Variants in NOP2 observed in about 807,000 individuals in gnomAD.
NOP2 encodes the protein NOP2 nucleolar protein, also known as 28S rRNA (cytosine(4447)-C(5))-methyltransferase.
In NOP2, 7 loss-of-function variants were observed where a neutral mutation model predicts 72.7. That is an observed-to-expected ratio of 0.10 (90% CI 0.05 to 0.18). NOP2 has a LOEUF of 0.18. Among genes scored for constraint, NOP2 ranks in the 10% least tolerant of loss-of-function variants. The pLI is 1.00. For synonymous variants in NOP2, 387 were observed against 388.0 expected, an observed-to-expected ratio of 1.00 and a Z score of 0.03; for missense variants, 954 against 1,014.7, an observed-to-expected ratio of 0.94 and a Z score of 0.81.
chr12:6,567,956 G>A (rs749824401), intron 1 of NOP2, 34 bp from the exon 2 acceptor site: 7 of 1,554,886 alleles, frequency 4.5e-6, no homozygotes, highest in East Asian at 2.2e-5. Flanking sequence ...AGGTGGCGTC[G>A]CGCGTGTCGG....
chr12:6,565,710 A>G (rs1311831191), intron 5 of NOP2, among the ~76,000 whole-genome samples: 3 of 152,116 alleles, frequency 2.0e-5, no homozygotes, highest in Non-Finnish European at 2.9e-5. Context: ...CCTGGGCTCA[A>G]GCAATCCTCC....
At chr12:6,562,052 A>G in intron 9 of NOP2, 81 bp from the exon 10 acceptor site, 1 of 1,059,096 alleles carries the variant, frequency 9.4e-7, no homozygotes, top group Non-Finnish European at 1.4e-6. Flanking sequence ...GAGGTGGCGC[A>G]ATCTCGGCTC....
At position 6,557,085 on chromosome 12, in the gene NOP2, G is replaced by A; in HGVS notation, c.2347C>T (p.Pro783Ser). The change falls in exon 16 of 16, where the codon CCC (proline) becomes TCC (serine). Residue 783 changes from proline (P) to serine (S), a missense_variant. This residue lies in a region of NOP2 where 269 missense variants were observed against 260.2 expected (regional missense o/e 1.03). Transcript: ENST00000322166. ...CTGGAACGGATGGGAGACACAGTGG[G>A]AGGCTGAGGCCCCTTGGGGGTATCA... The part of the protein sequence containing the change: ...QNDTPKGPQP[P>S]TVSPIRSSRP... 1 of 1,613,978 alleles carries A rather than the reference G, an allele frequency of 6.2e-7. No individual in the cohort carries two copies. The highest frequency in any genetic ancestry group is 8.5e-7 in the Non-Finnish European group (1 of 1,179,892).
At chr12:6,566,889 A>G in intron 2 of NOP2, 67 bp from the exon 3 acceptor site, 1 of 1,307,802 alleles carries the variant, frequency 7.6e-7, no homozygotes, top group Non-Finnish European at 1.1e-6. Flanking sequence ...GGGAACGGAA[A>G]TAAACATGGT....
Position 6,562,083 on chromosome 12 carries a change from G to A in NOP2, c.979-112C>T, listed in dbSNP as rs1408975655. ...GGCTCACAGCAACCTCCACCTCCCA[G>A]ATTCAAGCGATTCTCTCGTGCCTCA... is the stretch of plus-strand genomic sequence containing the variant. On this transcript the variant is annotated intron_variant, in intron 9 of 15. Transcript: ENST00000322166. 5 of 754,546 alleles carry A rather than the reference G, an allele frequency of 6.6e-6. No homozygotes were observed. The East Asian group carries it at 1.1e-4, about 16-fold the overall frequency. 46.7% of individuals were successfully genotyped at this position (754,546 alleles called of 1,614,324 possible). A position where few individuals can be genotyped will look rare whatever the true frequency, so the allele number is the denominator to read the frequency against.
At position 6,557,484 on chromosome 12, in the gene NOP2, G is replaced by C. The variant is rs772198531; in HGVS notation, c.1948C>G (p.Leu650Val). 6.8e-6 allele frequency: 11 copies of C among 1,613,882 alleles called. No individual in the cohort carries two copies. Among genetic ancestry groups the C allele is most frequent in the Admixed American group, 5.0e-5 (3 of 60,004 alleles). ...TCTGCCCCTTTGGAGATGCCATTCA[G>C]CTTCTGGAAGGAGGCCTTCTTGGGA... is the stretch of plus-strand genomic sequence containing the variant. ...QHPKKASFQK[L>V]NGISKGADSE... The change falls in exon 16 of 16, where the codon CTG becomes GTG. Residue 650 changes from leucine (L) to valine (V), a missense_variant. This residue lies in a region of NOP2 where 269 missense variants were observed against 260.2 expected (regional missense o/e 1.03). Coordinates refer to ENST00000322166, the MANE Select transcript of NOP2 (RefSeq NM_001258308.2).
Position 6,560,886 on chromosome 12 carries a change from G to A in NOP2, c.1347+45C>T, listed in dbSNP as rs767325526. The A allele has an allele frequency of 1.2e-6, 2 of 1,612,474 alleles. No individual in the cohort carries two copies. The highest frequency in any genetic ancestry group is 4.5e-5 in the East Asian group (2 of 44,838). ...AAACATTGAGGTCAGGAAGGGAGAA[G>A]GTCAACCGGAAGAAGCCTCAGAAGA... On this transcript the variant is annotated intron_variant, in intron 12 of 15. Transcript: ENST00000322166. This position sits in a 1 kb window ranked among gnomAD's most constrained non-coding sequence, Gnocchi z 5.0.
chr12:6,567,638 C>T (rs1453047477), intron 2 of NOP2, 178 bp downstream of exon 2: 4 of 541,222 alleles, frequency 7.4e-6, no homozygotes, highest in Admixed American at 3.6e-5. Context: ...GTCTTCACAT[C>T]TCTACGACCT....
intron 5 of NOP2, among the ~76,000 whole-genome samples, chr12:6,565,607 T>C (rs188227567): frequency 1.3e-5 from 2 of 152,270 alleles, no homozygotes; most frequent in Admixed American, 6.5e-5. Context: ...CCCAAAGTGC[T>C]AGGATTATAG....
At chr12:6,566,874 T>C (rs527936193) in intron 2 of NOP2, 52 bp from the exon 3 acceptor site, 59 of 1,455,854 alleles carry the variant, frequency 4.1e-5, no homozygotes, top group Middle Eastern at 3.4e-4. Context: ...ACATTAAAAA[T>C]AAATGGGAAC....
Position 6,563,748 on chromosome 12 carries a change from G to T in NOP2, c.554C>A (p.Thr185Asn), listed in dbSNP as rs760201896. The change falls in exon 7 of 16, where the codon ACC becomes AAC. Residue 185 changes from threonine (T) to asparagine (N), a missense_variant. Transcript: ENST00000322166. Reference protein sequence around the residue: ...AAGIQWSEEETEDEEEEKEVT... With the variant: ...AAGIQWSEEENEDEEEEKEVT... ...TTCTTTCTCTTCCTCCTCGTCCTCG[G>T]TCTCCTCTTCACTCCACTGGATCCT... is the stretch of plus-strand genomic sequence containing the variant. 1 of 1,613,170 alleles carries T rather than the reference G, an allele frequency of 6.2e-7. No individual in the cohort carries two copies. Among genetic ancestry groups the T allele is most frequent in the Non-Finnish European group, 8.5e-7 (1 of 1,179,562 alleles).
At chr12:6,561,170 C>T in intron 11 of NOP2, 100 bp from the exon 12 acceptor site, 1 of 1,441,926 alleles carries the variant, frequency 6.9e-7, no homozygotes, top group Non-Finnish European at 9.4e-7. Context: ...GTGTCATCAC[C>T]TCAAGGCAAC....
intron 5 of NOP2, chr12:6,564,155 A>G (rs1394072663): frequency 9.8e-6 from 14 of 1,431,658 alleles, no homozygotes; most frequent in Non-Finnish European, 1.3e-5. Context: ...CACACCTGTA[A>G]ATCCCAGCTA....
rs1592238993 is a variant in NOP2, at chr12:6,560,121, T to C, written c.1766A>G (p.Asn589Ser). Residue 589 changes from asparagine (N) to serine (S), a missense_variant, in exon 15 of 16, where the codon AAT becomes AGT. Asn to Ser is a conservative substitution (Grantham distance 46). This residue lies in a region of NOP2 where 269 missense variants were observed against 260.2 expected (regional missense o/e 1.03). Transcript: ENST00000322166. The surrounding 1 kb of genome is among the most constrained non-coding windows in gnomAD (Gnocchi z 5.0). ...FFIAKFKKFS[N>S]SIPQSQTGNS... is the part of the protein sequence containing the mutation. Reference sequence around the variant, plus strand: ...ACCTGTCTGGGACTGAGGGATAGAATTGGAAAATTTCTTGAACTTGGCAAT... The same window carrying C: ...ACCTGTCTGGGACTGAGGGATAGAACTGGAAAATTTCTTGAACTTGGCAAT... The C allele has an allele frequency of 1.9e-6, 3 of 1,613,816 alleles. No homozygotes were observed. Among genetic ancestry groups the C allele is most frequent in the Non-Finnish European group, 2.5e-6 (3 of 1,179,720 alleles).
chr12:6,566,502 T>G, intron 4 of NOP2, 27 bp downstream of exon 4: 1 of 1,605,758 alleles, frequency 6.2e-7, no homozygotes, highest in South Asian at 1.1e-5. Flanking sequence ...ACTCCTCATG[T>G]AGCATCCAGC....
intron 5 of NOP2, 195 bp from the exon 6 acceptor site, chr12:6,564,141 G>T (rs771290208): frequency 5.5e-6 from 8 of 1,466,798 alleles, no homozygotes; most frequent in Non-Finnish European, 7.2e-6. Flanking sequence ...AGGGCATGGT[G>T]GCACACACCT....
In NOP2 at chr12:6,561,688, G is replaced by A. The variant is rs1209532538; in HGVS notation, c.1183C>T (p.Pro395Ser). The change falls in exon 11 of 16, where the codon CCT (proline) becomes TCT (serine). Residue 395 changes from proline to serine, a missense_variant. Coordinates refer to ENST00000322166, the MANE Select transcript of NOP2 (RefSeq NM_001258308.2). Reference sequence around the variant, plus strand: ...CCCATGTAGCTGGTCTTTCCTCCAGGGGCACAACACATGTCCAGGATCCGC... The same window carrying A: ...CCCATGTAGCTGGTCTTTCCTCCAGAGGCACAACACATGTCCAGGATCCGC... ...HERILDMCCA[P>S]GGKTSYMAQL... The A allele has an allele frequency of 6.2e-7, 1 of 1,613,812 alleles. No individual in the cohort carries two copies. Among genetic ancestry groups the A allele is most frequent in the Non-Finnish European group, 8.5e-7 (1 of 1,179,850 alleles).
intron 15 of NOP2, among the ~76,000 whole-genome samples, chr12:6,558,304 ACT>A (rs757884021): frequency 2.0e-5 from 3 of 151,142 alleles, no homozygotes; most frequent in African/African-American, 7.3e-5. Flanking sequence ...ATGGAATCTC[ACT>A]CTGTCACCCA....
intron 15 of NOP2, chr12:6,557,870 T>C: frequency 1.9e-6 from 1 of 524,988 alleles, no homozygotes; most frequent in Non-Finnish European, 3.3e-6. Context: ...AGGCCAGGCG[T>C]GGTGGCTCAC....
Sources: gnomAD v4.1 joint callset for allele counts (sites outside exome capture counted in the v4.1 genomes callset) on GRCh38, gnomAD v4.1.1 for gene constraint, gnomAD v4.1.1 regional missense constraint, Gnocchi (gnomAD v3.1) non-coding constraint, MANE v1.5 for transcripts, NCBI Gene and HGNC (gene_info 2026-07-23, HGNC 2026-07-21) for gene names.